USP20: variants seen among roughly 807,000 people sequenced by gnomAD.
The protein encoded by USP20 is ubiquitin carboxyl-terminal hydrolase 20.
A neutral mutation model predicts 124.2 loss-of-function variants in USP20; 80 were observed. That is an observed-to-expected ratio of 0.64 (90% CI 0.54 to 0.78). The LOEUF (loss-of-function observed/expected upper bound fraction) is 0.78, where lower values mean the gene tolerates loss of function less well. Ranked by LOEUF, USP20 falls within the 30% of genes least tolerant of loss-of-function variation. The probability of loss-of-function intolerance (pLI) is 0.00; values close to 1 mark genes in which losing one functional copy is unlikely to be tolerated. For missense variants in USP20, 1,043 were observed against 1,244.4 expected (o/e 0.84, Z 2.44); for synonymous variants, 481 against 512.3 (o/e 0.94, Z 0.83).
chr9:129,860,853 G>C, intron 6 of USP20, 84 bp from the exon 7 acceptor site: 1 of 1,417,116 alleles, frequency 7.1e-7, no homozygotes, highest in Non-Finnish European at 9.9e-7. Flanking sequence ...AGTAGGGCTG[G>C]ACTTCCAGCC....
intron 8 of USP20, 134 bp downstream of exon 8, chr9:129,861,746 T>G: frequency 1.4e-6 from 1 of 717,828 alleles, no homozygotes; most frequent in Non-Finnish European, 2.4e-6. Flanking sequence ...AAAGCATGTA[T>G]ACCCTTTGAC....
At chr9:129,880,374 C>A in intron 25 of USP20, 85 bp downstream of exon 25, 1 of 1,428,400 alleles carries the variant, frequency 7.0e-7, no homozygotes, top group Non-Finnish European at 9.3e-7. Context: ...TTTGAACATC[C>A]AAAGAGCAGG....
intron 3 of USP20, 43 bp downstream of exon 3, chr9:129,852,679 C>T: frequency 1.3e-6 from 2 of 1,537,086 alleles, no homozygotes; most frequent in Non-Finnish European, 1.8e-6. Context: ...ACACCCAGGG[C>T]TGCCTCTTTC....
Position 129,869,825 on chromosome 9 carries a change from A to G in USP20, c.1546A>G (p.Ile516Val), listed in dbSNP as rs779690614. The G allele has an allele frequency of 5.7e-5, 92 of 1,613,674 alleles. No individual in the cohort carries two copies. Among genetic ancestry groups the G allele is most frequent in the Non-Finnish European group, 7.2e-5 (85 of 1,179,968 alleles). Reference sequence around the variant, plus strand: ...TGCCGCCCAGGGCTGGCTGGCCTTCATTGTGGAGTACATCCGACGGTGCGC... The same window carrying G: ...TGCCGCCCAGGGCTGGCTGGCCTTCGTTGTGGAGTACATCCGACGGTGCGC... ...SYAAQGWLAF[I>V]VEYIRRFVVS... The change falls in exon 14 of 26, where the codon ATT (isoleucine) becomes GTT (valine). Residue 516 changes from isoleucine to valine, a missense_variant. Transcript: ENST00000372429.
At chr9:129,840,259 G>A (rs1055990342) in intron 1 of USP20, among the ~76,000 whole-genome samples, 2 of 152,212 alleles carry the variant, frequency 1.3e-5, no homozygotes, top group African/African-American at 2.4e-5. Context: ...CAGGTGGGAC[G>A]GAAAGAGTGG....
Position 129,840,398 on chromosome 9 carries a change from A to AG in USP20, c.-129+4901dup, listed in dbSNP as rs144699900. Among the ~76,000 whole-genome samples the AG allele has an allele frequency of 6.9e-3, 1,055 of 152,278 alleles. 16 individuals carry two copies. The highest frequency in any genetic ancestry group is 0.024 in the African/African-American group (1,014 of 41,554). On this transcript the variant is annotated intron_variant, in intron 1 of 25. Coordinates refer to ENST00000372429, the MANE Select transcript of USP20 (RefSeq NM_001110303.4). ...GTGGGTGAACAAAGCCCTGGGTACC[A>AG]GGTCTGGAGGCTCAGTGGGTGCTGG...
rs1196740800 is a variant in USP20 at position 129,869,345 on chromosome 9, G to A, written c.1312G>A (p.Glu438Lys). The A allele has an allele frequency of 6.2e-7, 1 of 1,613,698 alleles. No homozygotes were observed. Among genetic ancestry groups the A allele is most frequent in the Non-Finnish European group, 8.5e-7 (1 of 1,180,014 alleles). Residue 438 changes from glutamate (E) to lysine (K), a missense_variant, in exon 13 of 26, where the codon GAG (glutamate) becomes AAG (lysine). Physicochemically the swap from Glu to Lys is moderately conservative, Grantham distance 56. Transcript: ENST00000372429. ...VLSAGSRRRK[E>K]QRYRSVISDI... ...GAGTGCTGGCAGCCGGAGGCGGAAG[G>A]AGCAGCGCTACCGCAGCGTCATCTC... is the stretch of plus-strand genomic sequence containing the variant.
chr9:129,871,993 G>A (rs566325141), intron 15 of USP20, among the ~76,000 whole-genome samples: 14 of 152,194 alleles, frequency 9.2e-5, no homozygotes, highest in East Asian at 3.9e-4. Flanking sequence ...TGGGATTACC[G>A]GCGTGAGCCA....
intron 1 of USP20, among the ~76,000 whole-genome samples, chr9:129,841,051 G>A (rs112895173): frequency 0.084 from 12,801 of 152,252 alleles, 605 homozygotes; most frequent in Middle Eastern, 0.14. Flanking sequence ...GATTACAGGC[G>A]TGAGCCATCA....
In USP20 at chr9:129,839,339, A is replaced by G. The variant is rs1403751576; in HGVS notation, c.-129+3840A>G. On this transcript the variant is annotated intron_variant, in intron 1 of 25. Coordinates refer to ENST00000372429, the MANE Select transcript of USP20 (RefSeq NM_001110303.4). This position sits in a 1 kb window ranked among gnomAD's most constrained non-coding sequence, Gnocchi z 4.5. ...GACTAAGATGTTAGTGTCAGTTCCA[A>G]TATTCAGGGCCGTGGGGCAGGGGGA... Among the ~76,000 whole-genome samples, 1 of 152,092 alleles carries G rather than the reference A, an allele frequency of 6.6e-6. No homozygotes were observed. The highest frequency in any genetic ancestry group is 1.9e-4 in the East Asian group (1 of 5,180).
At chr9:129,847,866 GA>G (rs1181499032) in intron 1 of USP20, among the ~76,000 whole-genome samples, 2 of 150,954 alleles carry the variant, frequency 1.3e-5, no homozygotes, top group Non-Finnish European at 2.9e-5. Flanking sequence ...TATATAAATA[GA>G]ATCATATGGT....
At chr9:129,866,711 C>T (rs113250882) in intron 10 of USP20, among the ~76,000 whole-genome samples, 52 of 152,280 alleles carry the variant, frequency 3.4e-4, no homozygotes, top group African/African-American at 9.9e-4. Flanking sequence ...GAACTGTAGA[C>T]GCAGCTGCGG....
At chr9:129,846,247 A>ATATATAT (rs1554742656) in intron 1 of USP20, among the ~76,000 whole-genome samples, 4 of 32,686 alleles carry the variant, frequency 1.2e-4, no homozygotes, top group African/African-American at 4.7e-4. Flanking sequence ...ATATATATAT[A>ATATATAT]TTTTTTTTTT....
chr9:129,851,258 CT>C (rs35791819), intron 2 of USP20, among the ~76,000 whole-genome samples: 23,962 of 125,948 alleles, frequency 0.19, 1,544 homozygotes, highest in African/African-American at 0.22. Context: ...ATAACACATA[CT>C]TTTTTTTTTT....
At chr9:129,858,431 A>G in intron 5 of USP20, 36 bp from the exon 6 acceptor site, 1 of 1,613,748 alleles carries the variant, frequency 6.2e-7, no homozygotes, top group Non-Finnish European at 8.5e-7. Flanking sequence ...GTTAGGCTAG[A>G]GTGCCCTGGA....
intron 3 of USP20, among the ~76,000 whole-genome samples, chr9:129,855,610 G>A (rs2033172335): frequency 6.6e-6 from 1 of 152,114 alleles, no homozygotes; most frequent in South Asian, 2.1e-4. Context: ...AAGAGCAAGG[G>A]TAGCACACAG....
intron 9 of USP20, among the ~76,000 whole-genome samples, chr9:129,864,223 C>T (rs1001347865): frequency 1.3e-5 from 2 of 151,898 alleles, no homozygotes; most frequent in African/African-American, 4.8e-5. Flanking sequence ...AAATCCAGCA[C>T]TTTGGGAGGC....
At chr9:129,836,780 G>C (rs1320871506) in intron 1 of USP20, among the ~76,000 whole-genome samples, 2 of 152,160 alleles carry the variant, frequency 1.3e-5, no homozygotes, top group African/African-American at 2.4e-5. Flanking sequence ...GCCCTCTGCA[G>C]ACTGGTTCAG....
At chr9:129,857,670 G>C (rs2033284479) in intron 4 of USP20, among the ~76,000 whole-genome samples, 1 of 152,182 alleles carries the variant, frequency 6.6e-6, no homozygotes, top group Middle Eastern at 3.2e-3. Flanking sequence ...GTGAGGCCTA[G>C]GATCCCCACC....
Sources: allele counts gnomAD v4.1 joint callset (sites outside exome capture counted in the v4.1 genomes callset), GRCh38; gene constraint gnomAD v4.1.1; non-coding constraint Gnocchi (gnomAD v3.1); transcripts MANE v1.5; gene names NCBI Gene and HGNC (gene_info 2026-07-23, HGNC 2026-07-21).